The following MYO6 variants were observed in gnomAD, a reference collection of about 807,000 sequenced individuals.
MYO6 encodes the protein unconventional myosin-VI.
Under a neutral mutation model 178.7 loss-of-function variants are expected in MYO6, and 74 were observed. The ratio of observed to expected loss-of-function variants is 0.41; its 90% confidence interval spans 0.34 to 0.50. MYO6 has a LOEUF of 0.50. Among genes scored for constraint, MYO6 ranks in the 20% least tolerant of loss-of-function variants. The probability of loss-of-function intolerance (pLI) is 0.09; values close to 1 mark genes in which losing one functional copy is unlikely to be tolerated. For synonymous variants in MYO6, 477 were observed against 504.6 expected (o/e 0.95, Z 0.73); for missense variants, 1,330 against 1,547.4 (o/e 0.86, Z 2.36).
intron 28 of MYO6, among the ~76,000 whole-genome samples, 169 bp downstream of exon 28, chr6:75,892,859 GA>G (rs1179194783): frequency 3.3e-5 from 5 of 152,104 alleles, no homozygotes; most frequent in Non-Finnish European, 7.4e-5. Context: ...ATACTCAAGT[GA>G]ATGAGATAAT....
chr6:75,781,778 G>C (rs1767005452), intron 1 of MYO6, among the ~76,000 whole-genome samples: 1 of 151,728 alleles, frequency 6.6e-6, no homozygotes, highest in South Asian at 2.1e-4. Flanking sequence ...AAAATTAGCC[G>C]GGTGTGGTAG....
rs142353235 is a variant in MYO6 at position 75,917,771 on chromosome 6, C to G, written c.*2759C>G. 6.6e-6 allele frequency: 1 copy of G among 152,526 alleles called. No individual in the cohort carries two copies. The highest frequency in any genetic ancestry group is 2.4e-5 in the African/African-American group (1 of 41,410). The allele number at this position is 152,526 out of a possible 1,614,324, so 9.4% of individuals were successfully genotyped here. On this transcript the variant is annotated 3_prime_UTR_variant, in exon 35 of 35. Coordinates refer to ENST00000369977, the MANE Select transcript of MYO6 (RefSeq NM_004999.4). The stretch of plus-strand genomic sequence containing the variant: ...CACTTAGAGAATAGCAATCCACAGG[C>G]AAGAATAATGGTATTGTTTGTAGAG...
intron 1 of MYO6, among the ~76,000 whole-genome samples, chr6:75,792,949 A>AC (rs1768394850): frequency 6.7e-6 from 1 of 149,850 alleles, no homozygotes; most frequent in African/African-American, 2.5e-5. Context: ...ATACCCAGCT[A>AC]AATTTTTTTT....
In MYO6 at chr6:75,870,663, T is replaced by C. The variant is rs1562268654; in HGVS notation, c.1961T>C (p.Leu654Pro). ...GNKFKTQLNL[L>P]LDKLRSTGAS... ...CTTTCACAGACACAGTTAAATTTGC[T>C]TCTGGATAAACTTCGAAGTACTGTG... Residue 654 changes from leucine to proline, a missense_variant, in exon 19 of 35, where the codon CTT becomes CCT. This residue lies in a region of MYO6 where 613 missense variants were observed against 816.8 expected (regional missense o/e 0.75). Coordinates refer to ENST00000369977, the MANE Select transcript of MYO6 (RefSeq NM_004999.4). 1 of 1,612,500 alleles carries C rather than the reference T, an allele frequency of 6.2e-7. No individual in the cohort carries two copies. Among genetic ancestry groups the C allele is most frequent in the Non-Finnish European group, 8.5e-7 (1 of 1,179,290 alleles).
intron 11 of MYO6, among the ~76,000 whole-genome samples, 184 bp from the exon 12 acceptor site, chr6:75,854,955 T>C (rs971120132): frequency 6.6e-6 from 1 of 152,196 alleles, no homozygotes; most frequent in African/African-American, 2.4e-5. Context: ...GAGGATCTTC[T>C]GTTGATCTTA....
intron 1 of MYO6, among the ~76,000 whole-genome samples, chr6:75,769,884 G>A (rs929261750): frequency 6.6e-6 from 1 of 152,064 alleles, no homozygotes; most frequent in South Asian, 2.1e-4. Context: ...TGGGCTACAC[G>A]GTGAGACTCT....
chr6:75,764,966 T>A (rs1013219284), intron 1 of MYO6, among the ~76,000 whole-genome samples: 3 of 150,286 alleles, frequency 2.0e-5, no homozygotes, highest in Non-Finnish European at 3.0e-5. Context: ...GCCACTGCGC[T>A]CCAGCCTGGG....
chr6:75,802,638 A>G (rs1293685235), intron 1 of MYO6, among the ~76,000 whole-genome samples: 5 of 151,872 alleles, frequency 3.3e-5, no homozygotes, highest in African/African-American at 7.3e-5. Context: ...GGCATGCACC[A>G]CTTCACCCAG....
At chr6:75,757,358 T>C (rs1454003691) in intron 1 of MYO6, among the ~76,000 whole-genome samples, 1 of 147,014 alleles carries the variant, frequency 6.8e-6, no homozygotes, top group African/African-American at 2.5e-5. Context: ...ACATCAGAAG[T>C]CTGTGTGTGT....
chr6:75,800,610 G>A (rs1276328390), intron 1 of MYO6, among the ~76,000 whole-genome samples: 1 of 152,168 alleles, frequency 6.6e-6, no homozygotes, highest in Non-Finnish European at 1.5e-5. Flanking sequence ...GTCAGTTTAG[G>A]ATATGAAAAG....
chr6:75,874,715 C>A (rs1272314358), intron 20 of MYO6, among the ~76,000 whole-genome samples: 1 of 152,198 alleles, frequency 6.6e-6, no homozygotes, highest in African/African-American at 2.4e-5. Context: ...ATGCTGAAAT[C>A]TCATCTCTAA....
At chr6:75,807,192 A>C (rs931183862) in intron 1 of MYO6, among the ~76,000 whole-genome samples, 1 of 152,214 alleles carries the variant, frequency 6.6e-6, no homozygotes. Flanking sequence ...TGTTGAAGCC[A>C]TTGTGATTAA....
intron 20 of MYO6, among the ~76,000 whole-genome samples, chr6:75,877,175 C>T (rs1290921804): frequency 1.3e-5 from 2 of 151,952 alleles, no homozygotes; most frequent in Admixed American, 6.6e-5. Context: ...GGGCTTTCTC[C>T]ATGTTGAGGC....
At chr6:75,852,281 T>C (rs964770412) in intron 11 of MYO6, among the ~76,000 whole-genome samples, 1 of 152,206 alleles carries the variant, frequency 6.6e-6, no homozygotes, top group Non-Finnish European at 1.5e-5. Context: ...AATAAGCACA[T>C]TTTCATAGAA....
intron 11 of MYO6, among the ~76,000 whole-genome samples, chr6:75,853,016 T>C (rs1775416724): frequency 6.6e-6 from 1 of 152,220 alleles, no homozygotes; most frequent in Non-Finnish European, 1.5e-5. Context: ...ACTATGTGTA[T>C]GCTTATAGCA....
At chr6:75,889,693 G>A (rs555791353) in intron 25 of MYO6, among the ~76,000 whole-genome samples, 3 of 152,308 alleles carry the variant, frequency 2.0e-5, no homozygotes, top group East Asian at 1.9e-4. Flanking sequence ...GATTATAGGT[G>A]TGAGCCACTG....
chr6:75,769,523 T>C (rs1459252857), intron 1 of MYO6, among the ~76,000 whole-genome samples: 3 of 152,246 alleles, frequency 2.0e-5, no homozygotes, highest in African/African-American at 7.2e-5. Context: ...CCTTTGACTC[T>C]GTGTTCCACA....
chr6:75,902,367 G>T (rs1273241016), intron 30 of MYO6, among the ~76,000 whole-genome samples: 1 of 152,078 alleles, frequency 6.6e-6, no homozygotes, highest in Non-Finnish European at 1.5e-5. Context: ...AACTCTTTTT[G>T]GTTGGTAAGC....
chr6:75,907,458 C>T (rs1049243429), intron 30 of MYO6, 147 bp from the exon 31 acceptor site: 17 of 651,814 alleles, frequency 2.6e-5, no homozygotes, highest in Non-Finnish European at 4.6e-5. Flanking sequence ...GTATGCCATT[C>T]TTAATCTCAT....
Sources: allele counts gnomAD v4.1 joint callset (sites outside exome capture counted in the v4.1 genomes callset), GRCh38; gene constraint gnomAD v4.1.1; regional missense constraint gnomAD v4.1.1; transcripts MANE v1.5; gene names NCBI Gene and HGNC (gene_info 2026-07-23, HGNC 2026-07-21).